Variants in UCHL5 observed in about 807,000 individuals in gnomAD.
UCHL5 encodes the protein ubiquitin C-terminal hydrolase L5, also known as ubiquitin carboxyl-terminal hydrolase isozyme L5.
In UCHL5, 34 loss-of-function variants were observed where a neutral mutation model predicts 53.8. The observed-to-expected ratio is 0.63, with a 90% CI of 0.48 to 0.84. The LOEUF (loss-of-function observed/expected upper bound fraction) is 0.84, where lower values mean the gene tolerates loss of function less well. UCHL5 is among the 40% of genes least tolerant of loss of function. The pLI, the probability that UCHL5 is intolerant of heterozygous loss-of-function variation, is 0.00. For missense variants in UCHL5, 290 were observed against 385.6 expected (o/e 0.75, Z 2.08); for synonymous variants, 111 against 126.3 (o/e 0.88, Z 0.81).
chr1:193,027,359 ACT>A (rs1327424395), intron 7 of UCHL5, among the ~76,000 whole-genome samples: 5 of 152,084 alleles, frequency 3.3e-5, no homozygotes, highest in African/African-American at 9.7e-5. Context: ...CAAAAATAAA[ACT>A]CTACAAAATA....
At position 193,039,595 on chromosome 1, in the gene UCHL5, G is replaced by A. The variant is rs1477502927; in HGVS notation, c.247-9938C>T. 2.6e-5 allele frequency among the ~76,000 whole-genome samples: 4 copies of A among 152,220 alleles called. No homozygotes were observed. In the East Asian group the frequency reaches 7.7e-4, roughly 29 times the overall value. ...ACTGAAAGCAATGGACAGATTCAAT[G>A]CACTCCCTATCAAAATACCAACGGC... On this transcript the variant is annotated intron_variant, in intron 3 of 10. Coordinates refer to ENST00000367454, the MANE Select transcript of UCHL5 (RefSeq NM_001199261.3).
At chr1:193,031,766 A>T (rs1465900560) in intron 3 of UCHL5, among the ~76,000 whole-genome samples, 1 of 152,194 alleles carries the variant, frequency 6.6e-6, no homozygotes, top group Non-Finnish European at 1.5e-5. Flanking sequence ...TGTCCTCCTA[A>T]ATCTCACATA....
At chr1:193,025,148 A>G (rs115530663) in intron 7 of UCHL5, among the ~76,000 whole-genome samples, 2,928 of 152,288 alleles carry the variant, frequency 0.019, 92 homozygotes, top group African/African-American at 0.066. Context: ...CACAGACAAA[A>G]AAAAGCCCCA....
intron 7 of UCHL5, among the ~76,000 whole-genome samples, chr1:193,025,991 A>G (rs1174488378): frequency 6.6e-6 from 1 of 151,482 alleles, no homozygotes; most frequent in East Asian, 1.9e-4. Flanking sequence ...ATAGACCCAC[A>G]CCAATATGCT....
At chr1:193,048,475 T>C (rs1668017329) in intron 3 of UCHL5, among the ~76,000 whole-genome samples, 1 of 152,236 alleles carries the variant, frequency 6.6e-6, no homozygotes, top group African/African-American at 2.4e-5. Flanking sequence ...AAGATCCATT[T>C]GAAGGGCAAC....
At chr1:193,051,518 G>A (rs987174043) in intron 2 of UCHL5, among the ~76,000 whole-genome samples, 1 of 149,696 alleles carries the variant, frequency 6.7e-6, no homozygotes, top group African/African-American at 2.5e-5. Context: ...AGTACTTTGT[G>A]GATATGGAAT....
At chr1:193,019,800 T>C (rs1228266085) in intron 10 of UCHL5, 6 of 897,436 alleles carry the variant, frequency 6.7e-6, no homozygotes, top group Non-Finnish European at 8.0e-6. Flanking sequence ...ACACAAAAAA[T>C]TCTGTTCACA....
chr1:193,031,215 G>A (rs1195013814), intron 3 of UCHL5, among the ~76,000 whole-genome samples: 2 of 152,142 alleles, frequency 1.3e-5, no homozygotes, highest in African/African-American at 4.8e-5. Flanking sequence ...TACCTAAGGT[G>A]AAATTATCTG....
At chr1:193,021,634 A>G (rs1007342608) in intron 9 of UCHL5, among the ~76,000 whole-genome samples, 1 of 152,182 alleles carries the variant, frequency 6.6e-6, no homozygotes, top group African/African-American at 2.4e-5. Flanking sequence ...TTTCTACTTC[A>G]GTGGAAAACT....
chr1:193,026,679 A>C (rs1214277456), intron 7 of UCHL5, among the ~76,000 whole-genome samples: 1 of 151,940 alleles, frequency 6.6e-6, no homozygotes, highest in Non-Finnish European at 1.5e-5. Context: ...TCTGGAAAAG[A>C]GTTTGGTAGT....
At chr1:193,021,926 A>G (rs528379936) in intron 9 of UCHL5, among the ~76,000 whole-genome samples, 1 of 152,322 alleles carries the variant, frequency 6.6e-6, no homozygotes, top group East Asian at 1.9e-4. Flanking sequence ...ATTCCCAAAC[A>G]ATAAAGCAGG....
intron 1 of UCHL5, among the ~76,000 whole-genome samples, chr1:193,053,782 G>A (rs1357812798): frequency 2.0e-5 from 3 of 152,138 alleles, no homozygotes; most frequent in Admixed American, 6.6e-5. Flanking sequence ...GAGGAGGGGG[G>A]AAGGTTTTAA....
At position 193,023,484 on chromosome 1, in the gene UCHL5, T is replaced by C. The variant is rs1211271317; in HGVS notation, c.732+360A>G. On this transcript the variant is annotated intron_variant, in intron 8 of 10. Transcript: ENST00000367454. ...TTGAGAATTAACTTGCTTAATTATA[T>C]AATGAAGTCACAGAAAATAGTTAAA... Among the ~76,000 whole-genome samples the C allele has an allele frequency of 2.0e-5, 3 of 152,198 alleles. No individual in the cohort carries two copies. In the South Asian group the frequency reaches 6.2e-4, roughly 31 times the overall value.
At chr1:193,033,425 G>A (rs1662226009) in intron 3 of UCHL5, among the ~76,000 whole-genome samples, 1 of 152,002 alleles carries the variant, frequency 6.6e-6, no homozygotes, top group African/African-American at 2.4e-5. Context: ...ATACCTAATG[G>A]AGACGATGGG....
At chr1:193,045,236 C>T (rs1666972548) in intron 3 of UCHL5, among the ~76,000 whole-genome samples, 1 of 152,136 alleles carries the variant, frequency 6.6e-6, no homozygotes, top group South Asian at 2.1e-4. Flanking sequence ...TCCCTAACTC[C>T]CAGGTTTACA....
intron 1 of UCHL5, among the ~76,000 whole-genome samples, chr1:193,053,952 A>G (rs1385153465): frequency 1.3e-5 from 2 of 151,782 alleles, no homozygotes; most frequent in Admixed American, 1.3e-4. Context: ...TAAATTACAT[A>G]TGAAGCATAT....
chr1:193,043,167 A>AAAAAAAAAAAAAAAAAAC (rs1666240215), intron 3 of UCHL5, among the ~76,000 whole-genome samples: 1 of 148,504 alleles, frequency 6.7e-6, no homozygotes, highest in Non-Finnish European at 1.5e-5. Flanking sequence ...AAAAAAAAAA[A>AAAAAAAAAAAAAAAAAAC]AAAAAAAAAC....
At chr1:193,034,171 C>T (rs909768291) in intron 3 of UCHL5, among the ~76,000 whole-genome samples, 1 of 151,838 alleles carries the variant, frequency 6.6e-6, no homozygotes, top group Non-Finnish European at 1.5e-5. Context: ...CAGGTTCCTA[C>T]CCTAATAAAA....
At chr1:193,047,590 T>C (rs747749659) in intron 3 of UCHL5, among the ~76,000 whole-genome samples, 1 of 152,178 alleles carries the variant, frequency 6.6e-6, no homozygotes, top group Non-Finnish European at 1.5e-5. Flanking sequence ...ATAAGCAGTT[T>C]TATTTTCCAC....
Sources: allele counts gnomAD v4.1 joint callset (sites outside exome capture counted in the v4.1 genomes callset), GRCh38; gene constraint gnomAD v4.1.1; transcripts MANE v1.5; gene names NCBI Gene and HGNC (gene_info 2026-07-23, HGNC 2026-07-21).